PFKFB2: variants seen among roughly 807,000 people sequenced by gnomAD.
PFKFB2 encodes the protein 6-phosphofructo-2-kinase/fructose-2,6-bisphosphatase 2.
Under a neutral mutation model 68.0 loss-of-function variants are expected in PFKFB2, and 53 were observed. That is an observed-to-expected ratio of 0.78 (90% CI 0.63 to 0.98). PFKFB2 has a LOEUF of 0.98. Ranked by LOEUF, PFKFB2 falls within the 50% of genes least tolerant of loss-of-function variation. The pLI, the probability that PFKFB2 is intolerant of heterozygous loss-of-function variation, is 0.00. For missense variants in PFKFB2, 451 were observed against 642.0 expected (o/e 0.70, Z 3.22); for synonymous variants, 222 against 227.6 (o/e 0.98, Z 0.22).
In PFKFB2 at chr1:207,072,489, C is replaced by T; in HGVS notation, c.*118C>T. On this transcript the variant is annotated 3_prime_UTR_variant, in exon 15 of 15. Transcript: ENST00000367080. ...TAACTTCCTCCCTCTATGCCCACCC[C>T]TGACACTTCACCATTAATCTTAACA... 6.8e-7 allele frequency: 1 copy of T among 1,475,022 alleles called. No individual in the cohort carries two copies. The highest frequency in any genetic ancestry group is 9.0e-7 in the Non-Finnish European group (1 of 1,115,052). 91.4% of individuals were successfully genotyped at this position (1,475,022 alleles called of 1,614,324 possible).
upstream of PFKFB2, chr1:207,050,620 T>G: frequency 6.3e-7 from 1 of 1,594,914 alleles, no homozygotes. Context: ...TTGACTGGTG[T>G]TTTGTTCTCT....
Position 207,065,400 on chromosome 1 carries a change from G to T in PFKFB2, c.632+240G>T. ...GGGTCTCACTCTGTCACCCAGGCTG[G>T]AGTGCAGTGGCAAAATCAGGGCCCA... On this transcript the variant is annotated intron_variant, in intron 8 of 14. Coordinates refer to ENST00000367080, the MANE Select transcript of PFKFB2 (RefSeq NM_006212.2). 5.4e-6 allele frequency: 4 copies of T among 738,898 alleles called. No individual in the cohort carries two copies. In the South Asian group the frequency reaches 2.4e-4, roughly 45 times the overall value. 45.8% of individuals were successfully genotyped at this position (738,898 alleles called of 1,614,324 possible). A position where few individuals can be genotyped will look rare whatever the true frequency, so the allele number is the denominator to read the frequency against.
upstream of PFKFB2, chr1:207,051,126 T>G: frequency 7.0e-7 from 1 of 1,422,502 alleles, no homozygotes; most frequent in Non-Finnish European, 9.1e-7. Flanking sequence ...AAGTGACAAC[T>G]GATTTTTCCC....
At chr1:207,049,527 A>T (rs1305816529), upstream of PFKFB2, 1 of 1,614,050 alleles carries the variant, frequency 6.2e-7, no homozygotes, top group East Asian at 2.2e-5. Flanking sequence ...GTCTCATCTC[A>T]GGGGCACAAG....
intron 2 of PFKFB2, chr1:207,044,910 A>G (rs1223671671): frequency 6.6e-6 from 1 of 152,512 alleles, no homozygotes; most frequent in Non-Finnish European, 1.5e-5. Context: ...CAACATCAAT[A>G]ATAATTTTAA....
In PFKFB2 at chr1:207,077,767, T is replaced by C; in HGVS notation, c.*5396T>C. The C allele has an allele frequency of 1.0e-6, 1 of 985,852 alleles. No individual in the cohort carries two copies. Among genetic ancestry groups the C allele is most frequent in the South Asian group, 4.7e-5 (1 of 21,288 alleles). 61.1% of individuals were successfully genotyped at this position (985,852 alleles called of 1,614,324 possible). A position where few individuals can be genotyped will look rare whatever the true frequency, so the allele number is the denominator to read the frequency against. On this transcript the variant is annotated 3_prime_UTR_variant, in exon 15 of 15. Coordinates refer to ENST00000367080, the MANE Select transcript of PFKFB2 (RefSeq NM_006212.2). ...TAACTGTATTTGAAATGTGTTTTTG[T>C]GTGCGTGTGTGTAGAATGGGTAAAT...
At chr1:207,049,772 A>G (rs758084411), upstream of PFKFB2, 1 of 1,528,920 alleles carries the variant, frequency 6.5e-7, no homozygotes, top group East Asian at 2.3e-5. Flanking sequence ...TACAGAAGAA[A>G]CCGAGTGTTC....
chr1:207,074,220 A>T lies in PFKFB2; in HGVS notation c.*1849A>T. On this transcript the variant is annotated 3_prime_UTR_variant, in exon 15 of 15. Coordinates refer to ENST00000367080, the MANE Select transcript of PFKFB2 (RefSeq NM_006212.2). ...ATACTGGATAGTAGTTTCTCAGACAAAAGTGTCAGCCTAGGAATTCTGAAT... is the reference window on the plus strand; with the variant it reads ...ATACTGGATAGTAGTTTCTCAGACATAAGTGTCAGCCTAGGAATTCTGAAT... 2.0e-6 allele frequency: 2 copies of T among 985,382 alleles called. No homozygotes were observed. The highest frequency in any genetic ancestry group is 2.4e-6 in the Non-Finnish European group (2 of 829,888). The allele number at this position is 985,382 out of a possible 1,614,324, so 61.0% of individuals were successfully genotyped here. A position where few individuals can be genotyped will look rare whatever the true frequency, so the allele number is the denominator to read the frequency against.
At chr1:207,046,911 T>C (rs1007965165) in intron 2 of PFKFB2, 3 of 152,116 alleles carry the variant, frequency 2.0e-5, no homozygotes, top group African/African-American at 7.2e-5. Flanking sequence ...AATAAACTTC[T>C]AGATCTAAAG....
chr1:207,061,545 A>C (rs1572723125), intron 2 of PFKFB2, among the ~76,000 whole-genome samples: 1 of 152,258 alleles, frequency 6.6e-6, no homozygotes, highest in South Asian at 2.1e-4. Context: ...TTATGAAGAT[A>C]AAATGAGATT....
At chr1:207,065,385 C>T in intron 8 of PFKFB2, 3 of 856,876 alleles carry the variant, frequency 3.5e-6, no homozygotes, top group Non-Finnish European at 4.2e-6. Flanking sequence ...GGGTCTCACT[C>T]TGTCACCCAG....
Position 207,070,135 on chromosome 1 carries a change from A to G in PFKFB2, c.1093-145A>G. ...AGAGATACCAGGGCTGGGGGCAGTT[A>G]GCAGGTGATGTAAACTCACTGAGCC... On this transcript the variant is annotated intron_variant, in intron 11 of 14. Transcript: ENST00000367080. This position sits in a 1 kb window ranked among gnomAD's most constrained non-coding sequence, Gnocchi z 4.2. The G allele has an allele frequency of 1.2e-6, 1 of 814,322 alleles. No homozygotes were observed. Among genetic ancestry groups the G allele is most frequent in the South Asian group, 1.8e-5 (1 of 56,284 alleles). The allele number at this position is 814,322 out of a possible 1,614,324, so 50.4% of individuals were successfully genotyped here.
At chr1:207,048,031 A>C (rs1682639140) in intron 2 of PFKFB2, 1 of 152,478 alleles carries the variant, frequency 6.6e-6, no homozygotes, top group Non-Finnish European at 1.5e-5. Flanking sequence ...TTTTGGAGGA[A>C]GTGCTCTTAA....
Position 207,054,738 on chromosome 1 carries a change from A to G in PFKFB2, c.21A>G (p.Ser7=). The G allele has an allele frequency of 2.5e-6, 4 of 1,613,760 alleles. No individual in the cohort carries two copies. Among genetic ancestry groups the G allele is most frequent in the Non-Finnish European group, 3.4e-6 (4 of 1,179,740 alleles). Residue 7 remains serine (S), a synonymous_variant, in exon 2 of 15, where the codon TCA becomes TCG. Transcript: ENST00000367080. ...CTGCCATGTCTGGGGCATCTTCCTC[A>G]GAACAGAACAACAACAGCTATGAAA... The part of the protein sequence containing the change: MSGASS[S]EQNNNSYETK...
chr1:207,062,107 CA>C (rs1683136823), intron 3 of PFKFB2, 29 bp downstream of exon 3: 2 of 1,613,790 alleles, frequency 1.2e-6, no homozygotes, highest in East Asian at 4.5e-5. Context: ...CTAGGAAAGA[CA>C]ATTATTAGTT....
intron 7 of PFKFB2, among the ~76,000 whole-genome samples, chr1:207,064,464 A>G (rs1283860141): frequency 6.6e-6 from 1 of 152,048 alleles, no homozygotes; most frequent in Non-Finnish European, 1.5e-5. Context: ...TACCTACAGG[A>G]AGGTTATCTC....
intron 4 of PFKFB2, 57 bp downstream of exon 4, chr1:207,062,773 C>T (rs1351635703): frequency 1.3e-5 from 19 of 1,506,262 alleles, no homozygotes; most frequent in Admixed American, 1.8e-5. Flanking sequence ...CGTCATGAGA[C>T]TTGGTGTGAC....
Position 207,037,860 on chromosome 1 carries a change from T to C in PFKFB2, c.-62+3388T>C, listed in dbSNP as rs140617763. 5.2e-4 allele frequency among the ~76,000 whole-genome samples: 79 copies of C among 152,342 alleles called. 1 individual carries two copies. Among genetic ancestry groups the C allele is most frequent in the Non-Finnish European group, 1.2e-4 (8 of 68,020 alleles). ...ATTCTCAGTAATCATATCTATAAAA[T>C]AGAGATGATAATAATAGCACATAAC... On this transcript the variant is annotated intron_variant, in intron 1 of 5. Coordinates refer to the PFKFB2 transcript ENST00000545806.
chr1:207,069,321 G>C, intron 10 of PFKFB2, 103 bp from the exon 11 acceptor site: 1 of 776,986 alleles, frequency 1.3e-6, no homozygotes, highest in South Asian at 1.6e-5. Flanking sequence ...TGCCTGGCAC[G>C]TACTAAGAAA....
Sources: gnomAD v4.1 joint callset for allele counts (sites outside exome capture counted in the v4.1 genomes callset) on GRCh38, gnomAD v4.1.1 for gene constraint, Gnocchi (gnomAD v3.1) non-coding constraint, MANE v1.5 for transcripts, NCBI Gene and HGNC (gene_info 2026-07-23, HGNC 2026-07-21) for gene names.